The following ZNF385D variants were observed in gnomAD, a reference collection of about 807,000 sequenced individuals.
ZNF385D encodes the protein zinc finger protein 385D, also known as zinc finger protein 659.
Under a neutral mutation model 35.8 loss-of-function variants are expected in ZNF385D, and 15 were observed. That is an observed-to-expected ratio of 0.42 (90% CI 0.28 to 0.64). ZNF385D has a LOEUF of 0.64. ZNF385D is among the 30% of genes least tolerant of loss of function. ZNF385D has a pLI of 0.23. For missense variants in ZNF385D, 474 were observed against 494.6 expected (o/e 0.96, Z 0.39); for synonymous variants, 212 against 186.8 (o/e 1.13, Z -1.10).
At chr3:21,936,465 GT>G (rs1701263176) in intron 3 of ZNF385D, among the ~76,000 whole-genome samples, 1 of 150,666 alleles carries the variant, frequency 6.6e-6, no homozygotes, top group South Asian at 2.1e-4. Flanking sequence ...TTCCCTTACT[GT>G]TACTAGCCCT....
chr3:21,972,929 A>G (rs971494436), intron 3 of ZNF385D, among the ~76,000 whole-genome samples: 1 of 151,964 alleles, frequency 6.6e-6, no homozygotes, highest in Admixed American at 6.6e-5. Context: ...CATAATAAGA[A>G]AGTCTCCCAG....
intron 3 of ZNF385D, among the ~76,000 whole-genome samples, chr3:21,964,583 A>AG (rs1702796632): frequency 7.2e-6 from 1 of 139,110 alleles, no homozygotes; most frequent in African/African-American, 2.7e-5. Flanking sequence ...TCTGCCTCCC[A>AG]GGTTCAAGCG....
At chr3:21,673,498 C>G (rs1456827174) in intron 1 of ZNF385D, among the ~76,000 whole-genome samples, 2 of 152,088 alleles carry the variant, frequency 1.3e-5, no homozygotes, top group East Asian at 3.9e-4. Context: ...CTTGCTTTCT[C>G]CTGGGTCCTT....
intron 3 of ZNF385D, among the ~76,000 whole-genome samples, chr3:22,037,663 G>C (rs924631076): frequency 6.6e-6 from 1 of 152,114 alleles, no homozygotes; most frequent in Non-Finnish European, 1.5e-5. Flanking sequence ...TAGGTTGACT[G>C]TTCACTCTGA....
chr3:22,064,750 T>C (rs1699845218), intron 3 of ZNF385D, among the ~76,000 whole-genome samples: 2 of 152,102 alleles, frequency 1.3e-5, no homozygotes, highest in Admixed American at 6.5e-5. Flanking sequence ...AAGTCATTAG[T>C]AGTATAATGG....
chr3:21,917,114 A>T (rs995835973), intron 3 of ZNF385D, among the ~76,000 whole-genome samples: 14 of 152,222 alleles, frequency 9.2e-5, no homozygotes, highest in Non-Finnish European at 1.8e-4. Context: ...TGGAGAAGAC[A>T]CAAGATATTT....
chr3:21,928,455 G>C (rs913884311), intron 3 of ZNF385D, among the ~76,000 whole-genome samples: 1 of 151,862 alleles, frequency 6.6e-6, no homozygotes, highest in Non-Finnish European at 1.5e-5. Flanking sequence ...GAGAGCGAAG[G>C]AATCACATTA....
chr3:21,806,813 TG>T (rs1299182114), intron 3 of ZNF385D, among the ~76,000 whole-genome samples: 2 of 152,328 alleles, frequency 1.3e-5, no homozygotes, highest in Admixed American at 1.3e-4. Flanking sequence ...CTTCTTGACC[TG>T]GGAGAAGACT....
intron 3 of ZNF385D, among the ~76,000 whole-genome samples, chr3:22,092,398 G>T (rs566133874): frequency 2.6e-5 from 4 of 152,280 alleles, no homozygotes; most frequent in Non-Finnish European, 5.9e-5. Context: ...GCCAGCTCCA[G>T]GTATCCAGAC....
chr3:21,448,150 T>A (rs1021217724), intron 4 of ZNF385D, among the ~76,000 whole-genome samples: 1 of 152,116 alleles, frequency 6.6e-6, no homozygotes, highest in African/African-American at 2.4e-5. Context: ...ACATCTAGAT[T>A]AAAGGATTTT....
intron 1 of ZNF385D, among the ~76,000 whole-genome samples, chr3:21,668,597 T>C (rs1272622215): frequency 1.3e-5 from 2 of 152,190 alleles, no homozygotes; most frequent in African/African-American, 4.8e-5. Flanking sequence ...TCCAAACCTA[T>C]AGCACTGATA....
chr3:21,426,574 GT>G (rs1339843470), intron 5 of ZNF385D, among the ~76,000 whole-genome samples: 1 of 151,764 alleles, frequency 6.6e-6, no homozygotes, highest in Admixed American at 6.6e-5. Flanking sequence ...TTGGTCATGT[GT>G]TTTTTCTGTG....
chr3:21,623,453 G>C (rs927965466), intron 2 of ZNF385D, among the ~76,000 whole-genome samples: 2 of 151,950 alleles, frequency 1.3e-5, no homozygotes, highest in Non-Finnish European at 2.9e-5. Flanking sequence ...AACCATCCTG[G>C]ACAACATAGC....
intron 3 of ZNF385D, among the ~76,000 whole-genome samples, chr3:21,968,516 T>TGAGGAGAGGAGAGGAGAGGAGAGGA (rs149641003): frequency 6.6e-6 from 1 of 151,096 alleles, no homozygotes; most frequent in Non-Finnish European, 1.5e-5. Context: ...TCCTTCTGTC[T>TGAGGAGAGGAGAGGAGAGGAGAGGA]GAGGAGAGGA....
intron 4 of ZNF385D, among the ~76,000 whole-genome samples, chr3:21,473,494 A>G (rs1434859469): frequency 6.6e-6 from 1 of 151,992 alleles, no homozygotes; most frequent in African/African-American, 2.4e-5. Flanking sequence ...GTTGTTTTCT[A>G]GTTGTAGGGT....
intron 3 of ZNF385D, among the ~76,000 whole-genome samples, chr3:21,785,589 T>C (rs535396759): frequency 2.7e-4 from 41 of 152,292 alleles, no homozygotes; most frequent in African/African-American, 8.9e-4. Context: ...GCAACCACCA[T>C]CCTACTCACT....
chr3:21,913,364 C>G (rs191431955), intron 3 of ZNF385D, among the ~76,000 whole-genome samples: 9 of 152,086 alleles, frequency 5.9e-5, no homozygotes, highest in Non-Finnish European at 1.2e-4. Context: ...AACTCATTAA[C>G]AGAAAAAATT....
chr3:22,237,633 G>A (rs113137658), intron 2 of ZNF385D, among the ~76,000 whole-genome samples: 2,052 of 151,972 alleles, frequency 0.014, 44 homozygotes, highest in African/African-American at 0.047. Flanking sequence ...TATACTTTTT[G>A]CTCTTAAATT....
chr3:21,944,547 C>T (rs1701682411), intron 3 of ZNF385D, among the ~76,000 whole-genome samples: 1 of 152,180 alleles, frequency 6.6e-6, no homozygotes, highest in African/African-American at 2.4e-5. Context: ...AGAGTTAATT[C>T]AAGCAGCCTG....
Sources: allele counts gnomAD v4.1 joint callset (sites outside exome capture counted in the v4.1 genomes callset), GRCh38; gene constraint gnomAD v4.1.1; transcripts MANE v1.5; gene names NCBI Gene and HGNC (gene_info 2026-07-23, HGNC 2026-07-21).